Variants in SEMA3D observed in about 807,000 individuals in gnomAD.
The protein encoded by SEMA3D is semaphorin-3D.
In SEMA3D, 84 loss-of-function variants were observed where a neutral mutation model predicts 100.1. That is an observed-to-expected ratio of 0.84 (90% confidence interval 0.70 to 1.01). The LOEUF (loss-of-function observed/expected upper bound fraction) is 1.01. Ranked by LOEUF, SEMA3D falls within the 50% of genes least tolerant of loss-of-function variation. SEMA3D has a pLI of 0.00. For missense variants in SEMA3D, 875 were observed against 934.1 expected, an observed-to-expected ratio of 0.94 and a Z score of 0.82; for synonymous variants, 312 against 320.7, an observed-to-expected ratio of 0.97 and a Z score of 0.29.
At position 85,065,552 on chromosome 7, in the gene SEMA3D, T is replaced by A; in HGVS notation, c.590A>T (p.Asp197Val). The change falls in exon 8 of 19, where the codon GAT becomes GTT. Residue 197 changes from aspartate (D) to valine (V), a missense_variant and splice_region_variant. Coordinates refer to ENST00000284136, the MANE Select transcript of SEMA3D (RefSeq NM_001384900.1). ...AGCTGTTCCAGAGTAGAGGTACTCA[T>A]CTGAGAGGGAGAAAAAAGTACACAG... Reference protein sequence around the residue: ...PQQPFASVMTDEYLYSGTASD... With the variant: ...PQQPFASVMTVEYLYSGTASD... 6.2e-7 allele frequency: 1 copy of A among 1,612,570 alleles called. No homozygotes were observed. The highest frequency in any genetic ancestry group is 1.3e-5 in the African/African-American group (1 of 74,980).
chr7:85,014,108 C>T (rs1763167974), intron 16 of SEMA3D, among the ~76,000 whole-genome samples: 1 of 151,706 alleles, frequency 6.6e-6, no homozygotes, highest in Non-Finnish European at 1.5e-5. Flanking sequence ...TTGAACTATA[C>T]ATTCAATTTG....
At chr7:85,113,336 A>C (rs1179786632) in intron 3 of SEMA3D, among the ~76,000 whole-genome samples, 1 of 152,176 alleles carries the variant, frequency 6.6e-6, no homozygotes, top group African/African-American at 2.4e-5. Flanking sequence ...CATGAACTGA[A>C]GGGAAATTTC....
chr7:85,168,934 A>G (rs1791007924), intron 1 of SEMA3D, among the ~76,000 whole-genome samples: 1 of 151,654 alleles, frequency 6.6e-6, no homozygotes, highest in Non-Finnish European at 1.5e-5. Context: ...GGGCAGGGGA[A>G]GGAATTCAAA....
intron 1 of SEMA3D, among the ~76,000 whole-genome samples, chr7:85,165,406 C>T (rs906131826): frequency 1.3e-5 from 2 of 151,892 alleles, no homozygotes; most frequent in Admixed American, 6.6e-5. Context: ...TAAGATACGA[C>T]GTGAGAAAGA....
the SEMA3D span, among the ~76,000 whole-genome samples, chr7:85,219,046 T>C: frequency 2.0e-5 from 3 of 152,150 alleles, no homozygotes; most frequent in Non-Finnish European, 2.9e-5. Flanking sequence ...CATGATTAGT[T>C]GTAGAACTTT....
chr7:85,143,164 GT>G, intron 2 of SEMA3D: 3 of 981,584 alleles, frequency 3.1e-6, no homozygotes, highest in Non-Finnish European at 3.6e-6. Flanking sequence ...ATATGACATG[GT>G]ACCTGCATAT....
At chr7:85,059,862 T>G (rs1791425258) in intron 8 of SEMA3D, among the ~76,000 whole-genome samples, 1 of 152,218 alleles carries the variant, frequency 6.6e-6, no homozygotes, top group Non-Finnish European at 1.5e-5. Flanking sequence ...GGCAATTCAT[T>G]GTCATAATGC....
intron 12 of SEMA3D, among the ~76,000 whole-genome samples, chr7:85,026,769 TG>T (rs1482119687): frequency 6.6e-6 from 1 of 152,076 alleles, no homozygotes; most frequent in African/African-American, 2.4e-5. Context: ...ACATATATTC[TG>T]AGAACCATCA....
At chr7:85,184,433 C>CA (rs1791485728) in intron 1 of SEMA3D, among the ~76,000 whole-genome samples, 1 of 151,866 alleles carries the variant, frequency 6.6e-6, no homozygotes, top group Non-Finnish European at 1.5e-5. Flanking sequence ...TACGGTTCTT[C>CA]ATTAAGAACA....
At chr7:85,043,038 A>T (rs1422286288) in intron 9 of SEMA3D, among the ~76,000 whole-genome samples, 1 of 152,206 alleles carries the variant, frequency 6.6e-6, no homozygotes, top group Non-Finnish European at 1.5e-5. Context: ...CTTACTAATT[A>T]AACATCCATG....
intron 14 of SEMA3D, among the ~76,000 whole-genome samples, chr7:85,018,494 T>G (rs576556676): frequency 6.6e-6 from 1 of 151,918 alleles, no homozygotes; most frequent in Admixed American, 6.6e-5. Context: ...AAAGTTATTT[T>G]GTAGTATCTT....
At chr7:85,221,367 C>T in the SEMA3D span, among the ~76,000 whole-genome samples, 1 of 151,882 alleles carries the variant, frequency 6.6e-6, no homozygotes, top group Non-Finnish European at 1.5e-5. Flanking sequence ...TCAATATATC[C>T]TCACTTTACC....
At chr7:85,127,672 T>TA (rs1789604228) in intron 2 of SEMA3D, among the ~76,000 whole-genome samples, 1 of 152,162 alleles carries the variant, frequency 6.6e-6, no homozygotes, top group Admixed American at 6.6e-5. Flanking sequence ...ATGACTTTAT[T>TA]GATATTCATT....
chr7:85,214,434 A>G, the SEMA3D span, among the ~76,000 whole-genome samples: 1 of 152,146 alleles, frequency 6.6e-6, no homozygotes, highest in Non-Finnish European at 1.5e-5. Context: ...AGAGAGAAAG[A>G]TATGTAATTT....
At chr7:85,041,598 AC>A (rs1448761444) in intron 10 of SEMA3D, 1 of 152,232 alleles carries the variant, frequency 6.6e-6, no homozygotes, top group East Asian at 1.9e-4. Context: ...AAAAATAAGA[AC>A]AAGTTCAAGA....
intron 8 of SEMA3D, among the ~76,000 whole-genome samples, chr7:85,056,476 AATAAG>A (rs1791320639): frequency 6.6e-6 from 1 of 151,850 alleles, no homozygotes; most frequent in Non-Finnish European, 1.5e-5. Flanking sequence ...TCATCTACCT[AATAAG>A]ATAATTTATA....
chr7:85,151,129 A>G (rs1470368339), intron 2 of SEMA3D, among the ~76,000 whole-genome samples: 1 of 151,654 alleles, frequency 6.6e-6, no homozygotes, highest in Non-Finnish European at 1.5e-5. Flanking sequence ...GCACATATAT[A>G]ATTAGAGACG....
intron 18 of SEMA3D, among the ~76,000 whole-genome samples, chr7:85,001,239 C>T (rs1393284475): frequency 6.6e-6 from 1 of 152,156 alleles, no homozygotes; most frequent in African/African-American, 2.4e-5. Context: ...GAATGGTCTC[C>T]AGGCCTGCCT....
In SEMA3D at chr7:85,119,002, G is replaced by GAA. The variant is rs60200172; in HGVS notation, c.151+2737_151+2738dup. ...ACATACATGTGGGCAACAATCATGT[G>GAA]AAAAAAAAAACTCAACATCATTGAT... On this transcript the variant is annotated intron_variant, in intron 3 of 18. Transcript: ENST00000284136. 1.4e-4 allele frequency among the ~76,000 whole-genome samples: 20 copies of GAA among 148,146 alleles called. No homozygotes were observed. In the South Asian group the frequency reaches 1.7e-3, roughly 13 times the overall value.
Sources: allele counts gnomAD v4.1 joint callset (sites outside exome capture counted in the v4.1 genomes callset), GRCh38; gene constraint gnomAD v4.1.1; transcripts MANE v1.5; gene names NCBI Gene and HGNC (gene_info 2026-07-23, HGNC 2026-07-21).